The following ARHGAP32 variants were observed in gnomAD, a reference collection of about 807,000 sequenced individuals.
ARHGAP32 encodes the protein rho GTPase-activating protein 32.
In ARHGAP32, 51 loss-of-function variants were observed where a neutral mutation model predicts 186.5. That is an observed-to-expected ratio of 0.27 (90% CI 0.22 to 0.35). ARHGAP32 has a LOEUF of 0.35. Among genes scored for constraint, ARHGAP32 ranks in the 10% least tolerant of loss-of-function variants. The pLI is 1.00. For synonymous variants in ARHGAP32, 950 were observed against 964.3 expected (o/e 0.99, Z 0.27); for missense variants, 2,186 against 2,623.5 (o/e 0.83, Z 3.64).
At chr11:128,978,953 A>G (rs776223976) in intron 18 of ARHGAP32, 38 bp from the exon 19 acceptor site, 1 of 1,563,012 alleles carries the variant, frequency 6.4e-7, no homozygotes, top group African/African-American at 1.4e-5. Context: ...TAAGATAGCC[A>G]TGGGTCTGTC....
At chr11:129,023,659 A>C (rs768635312) in intron 11 of ARHGAP32, among the ~76,000 whole-genome samples, 1 of 152,232 alleles carries the variant, frequency 6.6e-6, no homozygotes, top group Non-Finnish European at 1.5e-5. Context: ...AGCCTACTTC[A>C]AAAAGTATAA....
intron 11 of ARHGAP32, among the ~76,000 whole-genome samples, chr11:129,010,836 G>A (rs1027466670): frequency 2.0e-5 from 3 of 152,136 alleles, no homozygotes; most frequent in Admixed American, 2.0e-4. Flanking sequence ...CAAAATACAT[G>A]TTAACAGTAG....
At chr11:129,101,696 T>C (rs1048398586) in intron 5 of ARHGAP32, among the ~76,000 whole-genome samples, 3 of 152,020 alleles carry the variant, frequency 2.0e-5, no homozygotes, top group Non-Finnish European at 2.9e-5. Flanking sequence ...CCAAGAAATA[T>C]GGGATTGTGT....
chr11:129,000,853 C>A (rs544822715), intron 11 of ARHGAP32, among the ~76,000 whole-genome samples: 15 of 152,104 alleles, frequency 9.9e-5, no homozygotes, highest in African/African-American at 3.1e-4. Flanking sequence ...ATTTTCAGAT[C>A]CCACAAATAA....
intron 5 of ARHGAP32, among the ~76,000 whole-genome samples, chr11:129,113,119 G>C (rs1472021449): frequency 1.3e-5 from 2 of 152,232 alleles, no homozygotes; most frequent in South Asian, 2.1e-4. Context: ...AGCATCACTA[G>C]TAGCATTTTG....
At chr11:129,114,118 T>C (rs946154859) in intron 5 of ARHGAP32, among the ~76,000 whole-genome samples, 1 of 152,086 alleles carries the variant, frequency 6.6e-6, no homozygotes, top group Non-Finnish European at 1.5e-5. Context: ...TCTCTCTCCA[T>C]CTCCATCACA....
intron 1 of ARHGAP32, among the ~76,000 whole-genome samples, chr11:129,226,461 T>TTG (rs1944783379): frequency 2.6e-5 from 4 of 152,156 alleles, no homozygotes; most frequent in Non-Finnish European, 1.5e-5. Context: ...TAGAATTACG[T>TTG]ATTCAAAGTG....
At chr11:129,209,859 A>T (rs1944558824) in intron 1 of ARHGAP32, among the ~76,000 whole-genome samples, 1 of 152,198 alleles carries the variant, frequency 6.6e-6, no homozygotes, top group South Asian at 2.1e-4. Flanking sequence ...AAAGTTTTGT[A>T]TGTAACTCTA....
chr11:129,058,176 G>GA (rs150926865), intron 10 of ARHGAP32, among the ~76,000 whole-genome samples: 1,754 of 133,072 alleles, frequency 0.013, 43 homozygotes, highest in South Asian at 0.044. Flanking sequence ...CCCAATAACA[G>GA]AAAAAAAAAT....
intron 1 of ARHGAP32, among the ~76,000 whole-genome samples, chr11:129,220,405 G>A (rs1303934345): frequency 6.6e-6 from 1 of 152,116 alleles, no homozygotes; most frequent in Admixed American, 6.6e-5. Context: ...AAGGGGGAAT[G>A]GAAAAATACA....
intron 2 of ARHGAP32, among the ~76,000 whole-genome samples, chr11:129,127,175 T>C (rs538974193): frequency 1.3e-5 from 2 of 152,266 alleles, no homozygotes; most frequent in Admixed American, 1.3e-4. Flanking sequence ...GCCCAGCCTA[T>C]AATCCGAATG....
chr11:129,112,075 T>C (rs1437710509), intron 5 of ARHGAP32, among the ~76,000 whole-genome samples: 1 of 152,092 alleles, frequency 6.6e-6, no homozygotes, highest in Non-Finnish European at 1.5e-5. Context: ...AAACCCCGTC[T>C]CTACTAAAAA....
chr11:129,024,390 G>A (rs1311308252), intron 11 of ARHGAP32, among the ~76,000 whole-genome samples: 1 of 152,194 alleles, frequency 6.6e-6, no homozygotes, highest in Non-Finnish European at 1.5e-5. Flanking sequence ...GTGGGAGACA[G>A]TGTATCCAAT....
At chr11:128,989,516 T>TCTCACACA (rs369034541) in intron 12 of ARHGAP32, among the ~76,000 whole-genome samples, 16 of 139,036 alleles carry the variant, frequency 1.2e-4, no homozygotes, top group East Asian at 4.3e-4. Flanking sequence ...GTTTTTTATT[T>TCTCACACA]CACACACACA....
chr11:129,177,766 T>C (rs552801942), intron 1 of ARHGAP32, among the ~76,000 whole-genome samples: 350 of 152,220 alleles, frequency 2.3e-3, no homozygotes, highest in African/African-American at 8.3e-3. Flanking sequence ...CTCAACAAAT[T>C]AGGTATTGAT....
upstream of ARHGAP32, among the ~76,000 whole-genome samples, chr11:129,196,873 A>G (rs2135568697): frequency 6.6e-6 from 1 of 152,180 alleles, no homozygotes. Flanking sequence ...CCTGTCCAAC[A>G]CGGTGAAAAC....
At chr11:129,204,680 G>T (rs1369927256) in intron 1 of ARHGAP32, among the ~76,000 whole-genome samples, 1 of 152,164 alleles carries the variant, frequency 6.6e-6, no homozygotes, top group Non-Finnish European at 1.5e-5. Context: ...AGAGAGGGTT[G>T]TAAGAGTAAA....
Position 128,969,735 on chromosome 11 carries a change from G to A in ARHGAP32, c.5478C>T (p.Ser1826=). Residue 1826 remains serine (S), a synonymous_variant, in exon 23 of 23, where the codon AGC becomes AGT. Coordinates refer to ENST00000682385, the MANE Select transcript of ARHGAP32 (RefSeq NM_001378024.1). The surrounding 1 kb of genome is among the most constrained non-coding windows in gnomAD (Gnocchi z 4.8). ...GLLSVAEGKE[S]RHAAKAISPE... ...GACTGATGGCCTTGGCTGCATGGCG[G>A]CTCTCCTTTCCTTCTGCCACTGAGA... 1.2e-6 allele frequency: 2 copies of A among 1,614,122 alleles called. No homozygotes were observed. Among genetic ancestry groups the A allele is most frequent in the Middle Eastern group, 1.6e-4 (1 of 6,062 alleles).
chr11:129,152,934 G>A (rs1387472161), intron 2 of ARHGAP32, among the ~76,000 whole-genome samples: 1 of 152,214 alleles, frequency 6.6e-6, no homozygotes, highest in African/African-American at 2.4e-5. Context: ...TCAGTAAAGA[G>A]GAAGTCAAAC....
Sources: gnomAD v4.1 joint callset for allele counts (sites outside exome capture counted in the v4.1 genomes callset) on GRCh38, gnomAD v4.1.1 for gene constraint, Gnocchi (gnomAD v3.1) non-coding constraint, MANE v1.5 for transcripts, NCBI Gene and HGNC (gene_info 2026-07-23, HGNC 2026-07-21) for gene names.